The following SND1 variants were observed in gnomAD, a reference collection of about 807,000 sequenced individuals.
The protein encoded by SND1 is staphylococcal nuclease domain-containing protein 1.
SND1 carries 38 observed loss-of-function variants against 121.7 expected under a neutral mutation model. The observed-to-expected ratio is 0.31, with a 90% CI of 0.24 to 0.41. The LOEUF (loss-of-function observed/expected upper bound fraction) is 0.41. Ranked by LOEUF, SND1 falls within the 10% of genes least tolerant of loss-of-function variation. The probability of loss-of-function intolerance (pLI) is 1.00; values close to 1 mark genes in which losing one functional copy is unlikely to be tolerated. For synonymous variants in SND1, 401 were observed against 447.4 expected, an observed-to-expected ratio of 0.90 and a Z score of 1.31; for missense variants, 868 against 1,184.6, an observed-to-expected ratio of 0.73 and a Z score of 3.92.
At chr7:127,766,224 C>T (rs1797407298) in intron 10 of SND1, among the ~76,000 whole-genome samples, 1 of 152,196 alleles carries the variant, frequency 6.6e-6, no homozygotes, top group African/African-American at 2.4e-5. Context: ...ACACATCGAA[C>T]CTGTTGGTGC....
chr7:127,904,774 T>C lies in SND1; in HGVS notation c.1482T>C (p.His494=), dbSNP rs1014282680. Residue 494 remains histidine, a synonymous_variant, in exon 14 of 24, where the codon CAT becomes CAC. Coordinates refer to ENST00000354725, the MANE Select transcript of SND1 (RefSeq NM_014390.4). ...ARAIKNGKGL[H]SKKEVPIHRV... The stretch of plus-strand genomic sequence containing the variant: ...CTATTAAGAATGGCAAAGGATTGCA[T>C]AGCAAGAAGGAAGTGCCTATCCACC... The C allele has an allele frequency of 4.3e-6, 7 of 1,611,936 alleles. No homozygotes were observed. The South Asian group carries it at 7.7e-5, about 18-fold the overall frequency.
intron 9 of SND1, among the ~76,000 whole-genome samples, chr7:127,708,917 T>C (rs1796252330): frequency 6.6e-6 from 1 of 152,230 alleles, no homozygotes; most frequent in African/African-American, 2.4e-5. Context: ...AGCCACTAGG[T>C]GGCACTGTGA....
intron 10 of SND1, among the ~76,000 whole-genome samples, chr7:127,797,817 GC>G (rs1238303493): frequency 6.6e-6 from 1 of 152,172 alleles, no homozygotes; most frequent in Non-Finnish European, 1.5e-5. Flanking sequence ...CATATGGTTT[GC>G]TACTTGGATA....
chr7:127,982,199 C>T (rs923272081), intron 15 of SND1, among the ~76,000 whole-genome samples: 1 of 152,214 alleles, frequency 6.6e-6, no homozygotes, highest in African/African-American at 2.4e-5. Context: ...CTTCCCCTTC[C>T]TTTCTTCAAA....
At chr7:128,014,232 A>G (rs1210264212) in intron 16 of SND1, among the ~76,000 whole-genome samples, 5 of 152,220 alleles carry the variant, frequency 3.3e-5, no homozygotes, top group African/African-American at 4.8e-5. Flanking sequence ...CCTGTCTATC[A>G]GAAACCTGTC....
chr7:127,746,237 C>T (rs915006561), intron 10 of SND1, among the ~76,000 whole-genome samples: 8 of 152,168 alleles, frequency 5.3e-5, no homozygotes. Context: ...CAGTATGATA[C>T]ATTGTAATTT....
chr7:127,752,997 T>C (rs1797128785), intron 10 of SND1, among the ~76,000 whole-genome samples: 2 of 152,226 alleles, frequency 1.3e-5, no homozygotes, highest in Admixed American at 1.3e-4. Context: ...TGATTTAGCA[T>C]TGATCAGGTA....
chr7:127,921,343 T>C lies in SND1; in HGVS notation c.1528-7845T>C, dbSNP rs77705199. Among the ~76,000 whole-genome samples the C allele has an allele frequency of 3.3e-4, 50 of 152,314 alleles. No individual in the cohort carries two copies. The East Asian group carries it at 8.1e-3, about 25-fold the overall frequency. ...TGTGCTTTTCTAACCCCTTGCTTTC[T>C]CATCTAAACCATTTTCTTTTTAAAT... On this transcript the variant is annotated intron_variant, in intron 14 of 23. Coordinates refer to ENST00000354725, the MANE Select transcript of SND1 (RefSeq NM_014390.4).
Position 128,029,534 on chromosome 7 carries a change from C to T in SND1, c.1779+38478C>T. The T allele has an allele frequency of 1.2e-6, 2 of 1,614,068 alleles. No individual in the cohort carries two copies. ...GGGGAGTCCGACACTTAAGTTCTGC[C>T]ATCCGACCCTCAGAAATGTTGAGGT... On this transcript the variant is annotated intron_variant, in intron 16 of 23. Transcript: ENST00000354725. The surrounding 1 kb of genome is among the most constrained non-coding windows in gnomAD (Gnocchi z 4.2).
intron 16 of SND1, among the ~76,000 whole-genome samples, chr7:128,042,987 A>C (rs1792881436): frequency 6.6e-6 from 1 of 152,236 alleles, no homozygotes; most frequent in Non-Finnish European, 1.5e-5. Flanking sequence ...GTGAAGGAAA[A>C]GAATTAAGTG....
In SND1 at chr7:128,074,780, T is replaced by A. The variant is rs114739121; in HGVS notation, c.1968+90T>A. 567 of 1,280,682 alleles carry A rather than the reference T, an allele frequency of 4.4e-4. 4 individuals are homozygous for A. The African/African-American group carries it at 7.8e-3, about 18-fold the overall frequency. 79.3% of individuals were successfully genotyped at this position (1,280,682 alleles called of 1,614,324 possible). ...GCCTCCAGAGAACAGGAGGAAGTTC[T>A]CTCATCCCCACAGAGTAGCCCAGGA... is the stretch of plus-strand genomic sequence containing the variant. On this transcript the variant is annotated intron_variant, in intron 17 of 23. Transcript: ENST00000354725.
chr7:127,895,870 A>G (rs1335246720), intron 13 of SND1, among the ~76,000 whole-genome samples: 1 of 152,072 alleles, frequency 6.6e-6, no homozygotes, highest in Admixed American at 6.6e-5. Context: ...CACTCCCTCC[A>G]TCCCATCCTT....
chr7:127,736,838 C>G (rs568387628), intron 10 of SND1, among the ~76,000 whole-genome samples: 1 of 152,288 alleles, frequency 6.6e-6, no homozygotes, highest in Admixed American at 6.5e-5. Context: ...GACCACTGCT[C>G]TTTTCTGTTG....
chr7:127,736,687 C>T (rs1796781729), intron 10 of SND1, among the ~76,000 whole-genome samples: 1 of 152,172 alleles, frequency 6.6e-6, no homozygotes, highest in African/African-American at 2.4e-5. Flanking sequence ...TCACCTAATT[C>T]CTTATCTATT....
At chr7:127,935,363 G>T (rs1399906063) in intron 15 of SND1, among the ~76,000 whole-genome samples, 1 of 152,162 alleles carries the variant, frequency 6.6e-6, no homozygotes, top group African/African-American at 2.4e-5. Flanking sequence ...AGGCTATTCA[G>T]TACACCTATT....
At chr7:127,701,024 T>C in intron 4 of SND1, 139 bp from the exon 5 acceptor site, 1 of 863,798 alleles carries the variant, frequency 1.2e-6, no homozygotes. Context: ...GGTTATAGGC[T>C]TGGGTCTTAA....
chr7:127,709,927 TAAAG>T (rs988308869), intron 9 of SND1, among the ~76,000 whole-genome samples: 5 of 152,018 alleles, frequency 3.3e-5, no homozygotes, highest in African/African-American at 7.2e-5. Context: ...GAAAAAAACA[TAAAG>T]AAGATAAGCA....
chr7:127,825,177 G>T lies in SND1; in HGVS notation c.1242+17604G>T, dbSNP rs948722394. Reference sequence around the variant, plus strand: ...CAAGGCTGGAGTGCAATGGCGCGATGTGGGCTCACTGCAATCTCCGCCTCC... The same window carrying T: ...CAAGGCTGGAGTGCAATGGCGCGATTTGGGCTCACTGCAATCTCCGCCTCC... On this transcript the variant is annotated intron_variant, in intron 11 of 23. Transcript: ENST00000354725. Among the ~76,000 whole-genome samples the T allele has an allele frequency of 2.0e-5, 3 of 152,114 alleles. No individual in the cohort carries two copies. In the South Asian group the frequency reaches 6.2e-4, roughly 32 times the overall value.
chr7:127,706,535 G>A (rs967375650), intron 8 of SND1, among the ~76,000 whole-genome samples: 2 of 152,258 alleles, frequency 1.3e-5, no homozygotes, highest in East Asian at 1.9e-4. Context: ...TGGGATTACA[G>A]GTGTGAGCCA....
Sources: allele counts gnomAD v4.1 joint callset (sites outside exome capture counted in the v4.1 genomes callset), GRCh38; gene constraint gnomAD v4.1.1; non-coding constraint Gnocchi (gnomAD v3.1); transcripts MANE v1.5; gene names NCBI Gene and HGNC (gene_info 2026-07-23, HGNC 2026-07-21).